TMEM131: variants seen among roughly 807,000 people sequenced by gnomAD.
TMEM131 encodes the protein transmembrane protein 131.
A neutral mutation model predicts 211.6 loss-of-function variants in TMEM131; 66 were observed. The ratio of observed to expected loss-of-function variants is 0.31; its 90% CI spans 0.26 to 0.38. TMEM131 has a LOEUF of 0.38. TMEM131 is among the 10% of genes least tolerant of loss of function. The pLI is 1.00. For synonymous variants in TMEM131, 844 were observed against 841.3 expected (o/e 1.00, Z -0.06); for missense variants, 2,036 against 2,299.3 (o/e 0.89, Z 2.34).
intron 22 of TMEM131, among the ~76,000 whole-genome samples, chr2:97,803,699 G>A (rs952283608): frequency 2.0e-5 from 3 of 152,188 alleles, no homozygotes; most frequent in Non-Finnish European, 4.4e-5. Context: ...CATCTACTGT[G>A]CACTCAAGAT....
chr2:97,924,286 G>A (rs1253292612), intron 2 of TMEM131, among the ~76,000 whole-genome samples: 2 of 152,204 alleles, frequency 1.3e-5, no homozygotes, highest in African/African-American at 2.4e-5. Flanking sequence ...TGGAGTCTGA[G>A]GCGAGAGGTT....
At chr2:97,842,349 G>A (rs1683236691) in intron 6 of TMEM131, among the ~76,000 whole-genome samples, 1 of 152,144 alleles carries the variant, frequency 6.6e-6, no homozygotes, top group Non-Finnish European at 1.5e-5. Flanking sequence ...GGGTAAACCA[G>A]TAATTCAAAT....
At chr2:97,827,302 A>G in intron 11 of TMEM131, 6 of 785,782 alleles carry the variant, frequency 7.6e-6, no homozygotes, top group Non-Finnish European at 1.2e-5. Flanking sequence ...AGAGCCCAAG[A>G]GGAGATCGGC....
At chr2:97,850,080 T>G (rs555099453) in intron 5 of TMEM131, among the ~76,000 whole-genome samples, 1 of 151,622 alleles carries the variant, frequency 6.6e-6, no homozygotes, top group Non-Finnish European at 1.5e-5. Context: ...CTGAGAGACA[T>G]AGAGAGGACT....
chr2:97,758,944 A>G lies in TMEM131; in HGVS notation c.5316T>C (p.Asp1772=). ...AACTGGCTGGCCAGGAAGGACTGGGATCTGTCGCTGGCGACTCCCAAAGGT... is the reference window on the plus strand; with the variant it reads ...AACTGGCTGGCCAGGAAGGACTGGGGTCTGTCGCTGGCGACTCCCAAAGGT... ...PSYLWESPAT[D]PSPSWPASSG... The change falls in exon 40 of 41, where the codon GAT becomes GAC. Residue 1772 remains aspartate, a synonymous_variant. Coordinates refer to ENST00000186436, the MANE Select transcript of TMEM131 (RefSeq NM_015348.2). 6.2e-7 allele frequency: 1 copy of G among 1,613,876 alleles called. No homozygotes were observed. The highest frequency in any genetic ancestry group is 2.2e-5 in the East Asian group (1 of 44,878).
At chr2:97,937,040 CA>C (rs983292686) in intron 1 of TMEM131, among the ~76,000 whole-genome samples, 7 of 151,952 alleles carry the variant, frequency 4.6e-5, no homozygotes, top group Admixed American at 4.6e-4. Context: ...TTTAAAGAAA[CA>C]AGAAAGTATG....
At chr2:97,848,772 A>G (rs934406723) in intron 5 of TMEM131, among the ~76,000 whole-genome samples, 1 of 152,154 alleles carries the variant, frequency 6.6e-6, no homozygotes, top group African/African-American at 2.4e-5. Context: ...CCTAGCTACA[A>G]CTCCCAAAGC....
intron 1 of TMEM131, among the ~76,000 whole-genome samples, chr2:97,928,218 T>A (rs182472979): frequency 1.3e-5 from 2 of 152,284 alleles, no homozygotes; most frequent in East Asian, 3.9e-4. Flanking sequence ...AATGGAATAT[T>A]ACTAAAAGAA....
chr2:97,914,010 C>T (rs1211194648), intron 2 of TMEM131, among the ~76,000 whole-genome samples: 1 of 152,134 alleles, frequency 6.6e-6, no homozygotes, highest in Admixed American at 6.5e-5. Flanking sequence ...ATGAGGTCTG[C>T]TTTTGATTAT....
chr2:97,852,534 A>T (rs564011973), intron 5 of TMEM131, among the ~76,000 whole-genome samples: 8 of 152,324 alleles, frequency 5.3e-5, no homozygotes, highest in African/African-American at 1.9e-4. Context: ...GAAGGCTGAG[A>T]GAGGGGAGGA....
intron 1 of TMEM131, among the ~76,000 whole-genome samples, chr2:97,942,855 G>C (rs1015291572): frequency 1.3e-5 from 2 of 151,440 alleles, no homozygotes; most frequent in Non-Finnish European, 2.9e-5. Context: ...CTGGGCATGG[G>C]GAACGGCTGT....
At chr2:97,900,214 GA>G (rs2104330676) in intron 3 of TMEM131, among the ~76,000 whole-genome samples, 1 of 152,194 alleles carries the variant, frequency 6.6e-6, no homozygotes, top group East Asian at 1.9e-4. Flanking sequence ...TTCAAAATGT[GA>G]AATACTGTTT....
chr2:97,827,128 G>C (rs1682431016), intron 11 of TMEM131: 1 of 424,682 alleles, frequency 2.4e-6, no homozygotes, highest in South Asian at 2.8e-5. Context: ...TTCAACAAAA[G>C]TTTGCTAAAA....
intron 11 of TMEM131, among the ~76,000 whole-genome samples, chr2:97,821,341 G>A (rs1231059626): frequency 2.0e-5 from 3 of 152,136 alleles, no homozygotes; most frequent in Admixed American, 6.5e-5. Context: ...CTGTAAAAAC[G>A]CACCAATCAA....
intron 7 of TMEM131, among the ~76,000 whole-genome samples, chr2:97,839,933 T>C (rs1025746986): frequency 6.6e-6 from 1 of 152,248 alleles, no homozygotes; most frequent in Non-Finnish European, 1.5e-5. Flanking sequence ...GCTTCATTCA[T>C]GTTTGAATTG....
chr2:97,940,636 G>C (rs146901214), intron 1 of TMEM131, among the ~76,000 whole-genome samples: 5 of 151,848 alleles, frequency 3.3e-5, no homozygotes, highest in Non-Finnish European at 5.9e-5. Flanking sequence ...GTGAAACCCC[G>C]TCTCTACTAA....
At chr2:97,850,397 G>C (rs1164807328) in intron 5 of TMEM131, among the ~76,000 whole-genome samples, 2 of 152,080 alleles carry the variant, frequency 1.3e-5, no homozygotes, top group Non-Finnish European at 1.5e-5. Flanking sequence ...AGTACTCATA[G>C]AGGTGTGTGG....
intron 3 of TMEM131, among the ~76,000 whole-genome samples, chr2:97,898,235 A>G (rs1049715142): frequency 1.3e-5 from 2 of 152,102 alleles, no homozygotes; most frequent in Non-Finnish European, 2.9e-5. Context: ...TAAATTGTTC[A>G]TTATAAAATT....
chr2:97,788,770 T>C (rs1333153658), intron 31 of TMEM131, among the ~76,000 whole-genome samples: 2 of 152,130 alleles, frequency 1.3e-5, no homozygotes, highest in East Asian at 1.9e-4. Context: ...GCACGAGAAA[T>C]TGTGGTCACG....
Sources: allele counts gnomAD v4.1 joint callset (sites outside exome capture counted in the v4.1 genomes callset), GRCh38; gene constraint gnomAD v4.1.1; transcripts MANE v1.5; gene names NCBI Gene and HGNC (gene_info 2026-07-23, HGNC 2026-07-21).